CECR2: variants seen among roughly 807,000 people sequenced by gnomAD.
CECR2 encodes the protein CECR2 histone acetyl-lysine reader, also known as chromatin remodeling regulator CECR2.
CECR2 carries 30 observed loss-of-function variants against 154.5 expected under a neutral mutation model. The ratio of observed to expected loss-of-function variants is 0.19; its 90% CI spans 0.15 to 0.26. The LOEUF is 0.26. CECR2 is among the 10% of genes least tolerant of loss of function. The pLI, the probability that CECR2 is intolerant of heterozygous loss-of-function variation, is 1.00. For synonymous variants in CECR2, 725 were observed against 683.7 expected, an observed-to-expected ratio of 1.06 and a Z score of -0.94; for missense variants, 1,743 against 1,829.3, an observed-to-expected ratio of 0.95 and a Z score of 0.86.
At chr22:17,499,323 C>T (rs56141127) in intron 3 of CECR2, 87 bp from the exon 4 acceptor site, 10 of 1,473,130 alleles carry the variant, frequency 6.8e-6, no homozygotes, top group Middle Eastern at 3.9e-4. Flanking sequence ...GTTATGCTTA[C>T]GTGTAAATTT....
intron 1 of CECR2, among the ~76,000 whole-genome samples, chr22:17,434,129 T>C (rs1173189617): frequency 1.3e-5 from 2 of 150,482 alleles, no homozygotes; most frequent in Non-Finnish European, 2.9e-5. Flanking sequence ...CAGGCCACTT[T>C]TTCTGTCCAT....
chr22:17,523,844 C>G (rs559345331), intron 8 of CECR2, among the ~76,000 whole-genome samples: 1 of 151,660 alleles, frequency 6.6e-6, no homozygotes, highest in Non-Finnish European at 1.5e-5. Flanking sequence ...CCCAGTTTCT[C>G]TTCTCTCCAG....
At chr22:17,378,470 G>A (rs1270752449) in intron 1 of CECR2, among the ~76,000 whole-genome samples, 1 of 151,464 alleles carries the variant, frequency 6.6e-6, no homozygotes, top group Non-Finnish European at 1.5e-5. Flanking sequence ...CTAATTTTTT[G>A]TATTTTTAGT....
chr22:17,474,745 C>T (rs1190294622), intron 1 of CECR2, among the ~76,000 whole-genome samples: 1 of 152,212 alleles, frequency 6.6e-6, no homozygotes, highest in Non-Finnish European at 1.5e-5. Context: ...GGAGATGCCA[C>T]ATGAACCATA....
chr22:17,464,856 C>A (rs1345263061), intron 1 of CECR2, among the ~76,000 whole-genome samples: 3 of 152,204 alleles, frequency 2.0e-5, no homozygotes, highest in Admixed American at 2.0e-4. Context: ...GCACGTCAGC[C>A]TCTCTATTAA....
At chr22:17,520,018 T>C (rs1279201637) in intron 8 of CECR2, among the ~76,000 whole-genome samples, 2 of 152,090 alleles carry the variant, frequency 1.3e-5, no homozygotes. Context: ...CTCAATCTCT[T>C]AACCTCATGA....
At chr22:17,524,681 CAT>C (rs2056226712) in intron 9 of CECR2, among the ~76,000 whole-genome samples, 1 of 103,670 alleles carries the variant, frequency 9.6e-6, no homozygotes, top group Admixed American at 1.0e-4. Flanking sequence ...CATGAGCCAC[CAT>C]GCCTGGCCCT....
intron 2 of CECR2, among the ~76,000 whole-genome samples, chr22:17,496,991 C>G (rs2055641167): frequency 6.6e-6 from 1 of 152,180 alleles, no homozygotes. Context: ...TTTCTGCTTT[C>G]TGTGTAAAAT....
Position 17,378,432 on chromosome 22 carries a change from G to T in CECR2, c.126+8523G>T, listed in dbSNP as rs1443038070. Among the ~76,000 whole-genome samples, 5 of 150,834 alleles carry T rather than the reference G, an allele frequency of 3.3e-5. No individual in the cohort carries two copies. The East Asian group carries it at 9.7e-4, about 29-fold the overall frequency. Reference sequence around the variant, plus strand: ...CTGCTTCAGCCTCCTGAGTAGCTGGGACTACAGGTGCCCACCACCACGCCT... The same window carrying T: ...CTGCTTCAGCCTCCTGAGTAGCTGGTACTACAGGTGCCCACCACCACGCCT... On this transcript the variant is annotated intron_variant, in intron 1 of 18. Coordinates refer to ENST00000262608, the MANE Select transcript of CECR2 (RefSeq NM_001290047.2).
At chr22:17,413,592 T>G (rs999898333) in intron 1 of CECR2, among the ~76,000 whole-genome samples, 12 of 152,156 alleles carry the variant, frequency 7.9e-5, no homozygotes, top group African/African-American at 2.9e-4. Flanking sequence ...TTGGGCCTGC[T>G]CGCCAAACTA....
chr22:17,529,869 C>G (rs1000944071), intron 9 of CECR2, among the ~76,000 whole-genome samples: 1 of 152,146 alleles, frequency 6.6e-6, no homozygotes, highest in African/African-American at 2.4e-5. Context: ...ATAACCTTTT[C>G]CAGACTTTTT....
chr22:17,470,817 C>A (rs978994383), intron 1 of CECR2, among the ~76,000 whole-genome samples: 1 of 152,150 alleles, frequency 6.6e-6, no homozygotes, highest in Non-Finnish European at 1.5e-5. Flanking sequence ...CAGTCTCTCT[C>A]CCTAACTAAC....
chr22:17,400,757 TTTTG>T (rs2053879843), intron 1 of CECR2, among the ~76,000 whole-genome samples: 1 of 152,110 alleles, frequency 6.6e-6, no homozygotes, highest in Non-Finnish European at 1.5e-5. Flanking sequence ...GGAGAGTCTT[TTTTG>T]TTTGTTTTGA....
intron 2 of CECR2, among the ~76,000 whole-genome samples, chr22:17,481,763 CAT>C (rs1483843450): frequency 1.4e-4 from 22 of 152,296 alleles, no homozygotes; most frequent in Non-Finnish European, 2.2e-4. Context: ...ATGCATTACT[CAT>C]GTGGTTATGG....
At chr22:17,405,535 G>A (rs982754589) in intron 1 of CECR2, among the ~76,000 whole-genome samples, 3 of 149,674 alleles carry the variant, frequency 2.0e-5, no homozygotes, top group Non-Finnish European at 4.4e-5. Flanking sequence ...AGCTACTCCA[G>A]AGGCTGAGGC....
intron 1 of CECR2, among the ~76,000 whole-genome samples, chr22:17,456,659 A>T (rs139692943): frequency 3.3e-5 from 5 of 152,198 alleles, no homozygotes; most frequent in Admixed American, 2.6e-4. Flanking sequence ...TCCCTTTTTT[A>T]AAAAAAGAGT....
intron 1 of CECR2, among the ~76,000 whole-genome samples, chr22:17,437,251 G>A (rs1049163285): frequency 6.6e-6 from 1 of 151,902 alleles, no homozygotes; most frequent in African/African-American, 2.4e-5. Flanking sequence ...GCTCCCAGAC[G>A]TCTCCATCTC....
chr22:17,469,083 T>C (rs1569102141), intron 1 of CECR2, among the ~76,000 whole-genome samples: 1 of 148,582 alleles, frequency 6.7e-6, no homozygotes, highest in Non-Finnish European at 1.5e-5. Flanking sequence ...TACAGAAAAT[T>C]TTATGTACAA....
intron 18 of CECR2, 61 bp from the exon 19 acceptor site, chr22:17,552,774 G>GTTTTTGTTTTTTTTT (rs2056727657): frequency 2.1e-6 from 2 of 933,470 alleles, no homozygotes; most frequent in Non-Finnish European, 3.0e-6. Flanking sequence ...GCTTACTTAA[G>GTTTTTGTTTTTTTTT]TTTTTTTTTT....
Sources: allele counts gnomAD v4.1 joint callset (sites outside exome capture counted in the v4.1 genomes callset), GRCh38; gene constraint gnomAD v4.1.1; transcripts MANE v1.5; gene names NCBI Gene and HGNC (gene_info 2026-07-23, HGNC 2026-07-21).